Variants in IL20RB observed in about 807,000 individuals in gnomAD.
IL20RB encodes the protein interleukin-20 receptor subunit beta.
Under a neutral mutation model 33.3 loss-of-function variants are expected in IL20RB, and 21 were observed. The observed-to-expected ratio is 0.63, with a 90% CI of 0.45 to 0.91. IL20RB has a LOEUF of 0.91. Among genes scored for constraint, IL20RB ranks in the 40% least tolerant of loss-of-function variants. IL20RB has a pLI of 0.00. For missense variants in IL20RB, 345 were observed against 384.8 expected, an observed-to-expected ratio of 0.90 and a Z score of 0.86; for synonymous variants, 147 against 146.8, an observed-to-expected ratio of 1.00 and a Z score of -0.01.
chr3:136,960,304 C>T (rs867805003), intron 1 of IL20RB, among the ~76,000 whole-genome samples: 59 of 152,028 alleles, frequency 3.9e-4, no homozygotes, highest in African/African-American at 1.3e-3. Context: ...CACGCCACCA[C>T]GCCCAGCTAA....
At chr3:136,999,123 G>A (rs989955905) in intron 6 of IL20RB, among the ~76,000 whole-genome samples, 2 of 151,716 alleles carry the variant, frequency 1.3e-5, no homozygotes, top group Admixed American at 1.3e-4. Context: ...TAGAGACAGG[G>A]TCTCACTCTG....
intron 1 of IL20RB, among the ~76,000 whole-genome samples, chr3:136,964,130 T>G (rs112474052): frequency 2.6e-5 from 1 of 38,892 alleles, no homozygotes; most frequent in African/African-American, 1.3e-4. Flanking sequence ...TCTTTGCTAT[T>G]GTGAATAGTG....
At chr3:136,973,576 C>T (rs1396818082) in intron 1 of IL20RB, among the ~76,000 whole-genome samples, 1 of 152,002 alleles carries the variant, frequency 6.6e-6, no homozygotes, top group African/African-American at 2.4e-5. Flanking sequence ...CTGTTAGGTC[C>T]ATTTGGTCTA....
In IL20RB at chr3:136,980,547, T is replaced by C. The variant is rs1225010764; in HGVS notation, c.170T>C (p.Val57Ala). Reference protein sequence around the residue: ...NMKHLLMWSPVIAPGETVYYS... With the variant: ...NMKHLLMWSPAIAPGETVYYS... Reference sequence around the variant, plus strand: ...AAGCATCTCTTGATGTGGAGCCCAGTGATCGCGCCTGGAGAAACAGTGTAC... The same window carrying C: ...AAGCATCTCTTGATGTGGAGCCCAGCGATCGCGCCTGGAGAAACAGTGTAC... Residue 57 changes from valine to alanine, a missense_variant, in exon 2 of 7, where the codon GTG becomes GCG. Transcript: ENST00000329582. 1 of 1,614,118 alleles carries C rather than the reference T, an allele frequency of 6.2e-7. No homozygotes were observed. The highest frequency in any genetic ancestry group is 8.5e-7 in the Non-Finnish European group (1 of 1,180,050).
chr3:136,996,741 C>A (rs1942137679), intron 6 of IL20RB, among the ~76,000 whole-genome samples: 1 of 152,204 alleles, frequency 6.6e-6, no homozygotes, highest in Non-Finnish European at 1.5e-5. Flanking sequence ...TTTATTGACT[C>A]ATTTCTTTTC....
intron 5 of IL20RB, among the ~76,000 whole-genome samples, chr3:136,995,075 CA>C (rs1286237791): frequency 6.6e-6 from 1 of 152,232 alleles, no homozygotes; most frequent in African/African-American, 2.4e-5. Flanking sequence ...TCATCCTGCC[CA>C]GGGCTTGGCA....
At chr3:137,003,574 T>G (rs1942288968) in intron 6 of IL20RB, among the ~76,000 whole-genome samples, 1 of 151,948 alleles carries the variant, frequency 6.6e-6, no homozygotes, top group Non-Finnish European at 1.5e-5. Flanking sequence ...CTCTGTCTGT[T>G]AACGGTGTAT....
intron 5 of IL20RB, among the ~76,000 whole-genome samples, chr3:136,992,899 GTGTAGGCACA>G (rs1294045452): frequency 4.3e-4 from 66 of 152,298 alleles, no homozygotes; most frequent in African/African-American, 1.6e-3. Flanking sequence ...TCATTGCCAT[GTGTAGGCACA>G]TGCTGTAGTC....
chr3:136,970,075 C>T (rs1560066004), intron 1 of IL20RB, among the ~76,000 whole-genome samples: 1 of 150,758 alleles, frequency 6.6e-6, no homozygotes, highest in Non-Finnish European at 1.5e-5. Context: ...TTGTTTAAAG[C>T]GTTTTTTTTG....
chr3:136,985,087 G>T (rs1220923801), intron 3 of IL20RB, among the ~76,000 whole-genome samples: 2 of 152,186 alleles, frequency 1.3e-5, no homozygotes, highest in African/African-American at 4.8e-5. Context: ...ACTTACGAAG[G>T]CCTGTATAAA....
At chr3:136,995,636 T>C in intron 6 of IL20RB, 80 bp downstream of exon 6, 1 of 1,333,140 alleles carries the variant, frequency 7.5e-7, no homozygotes, top group South Asian at 1.3e-5. Context: ...TGGGCACATG[T>C]TTCCATGTTT....
chr3:136,980,849 A>G (rs555392110), intron 2 of IL20RB, among the ~76,000 whole-genome samples: 1 of 152,318 alleles, frequency 6.6e-6, no homozygotes, highest in African/African-American at 2.4e-5. Context: ...AAGTGAATCA[A>G]CTGTCCAATG....
chr3:137,001,851 T>A (rs1942249705), intron 6 of IL20RB, among the ~76,000 whole-genome samples: 1 of 152,182 alleles, frequency 6.6e-6, no homozygotes, highest in African/African-American at 2.4e-5. Context: ...TAGGTATACA[T>A]GTGCCATGGT....
intron 6 of IL20RB, among the ~76,000 whole-genome samples, chr3:137,001,016 A>G (rs998656036): frequency 6.6e-6 from 1 of 152,146 alleles, no homozygotes; most frequent in African/African-American, 2.4e-5. Context: ...GTAAAGGGTT[A>G]ATAACTTACA....
intron 6 of IL20RB, among the ~76,000 whole-genome samples, chr3:137,004,516 T>G (rs894215144): frequency 5.9e-5 from 9 of 152,352 alleles, no homozygotes; most frequent in East Asian, 1.9e-4. Context: ...GTCCAGGAAT[T>G]TATCCATTTC....
At chr3:136,991,894 G>T in intron 4 of IL20RB, 44 bp from the exon 5 acceptor site, 1 of 1,599,560 alleles carries the variant, frequency 6.3e-7, no homozygotes, top group Middle Eastern at 1.7e-4. Context: ...ATAGGCGTGA[G>T]CCACCGCACT....
At chr3:136,967,150 G>A (rs1272971283) in intron 1 of IL20RB, among the ~76,000 whole-genome samples, 4 of 146,612 alleles carry the variant, frequency 2.7e-5, no homozygotes, top group African/African-American at 1.0e-4. Flanking sequence ...GTGTGGTGTG[G>A]TGCTGAAAAA....
intron 5 of IL20RB, among the ~76,000 whole-genome samples, chr3:136,993,612 G>A (rs1942073487): frequency 7.2e-6 from 1 of 139,712 alleles, no homozygotes; most frequent in Admixed American, 7.3e-5. Flanking sequence ...TATGTTCCCC[G>A]CTGTTTGTCC....
chr3:136,962,869 A>C (rs1307215563), intron 1 of IL20RB, among the ~76,000 whole-genome samples: 1 of 43,826 alleles, frequency 2.3e-5, no homozygotes, highest in South Asian at 5.7e-4. Context: ...TTTTGGCCAA[A>C]AAAAAAAAAA....
Sources: allele counts gnomAD v4.1 joint callset (sites outside exome capture counted in the v4.1 genomes callset), GRCh38; gene constraint gnomAD v4.1.1; transcripts MANE v1.5; gene names NCBI Gene and HGNC (gene_info 2026-07-23, HGNC 2026-07-21).